Variants in PTPRM observed in about 807,000 individuals in gnomAD.
PTPRM encodes the protein protein tyrosine phosphatase receptor type M, also known as receptor-type tyrosine-protein phosphatase mu.
In PTPRM, 47 loss-of-function variants were observed where a neutral mutation model predicts 186.7. The observed-to-expected ratio is 0.25, with a 90% CI of 0.20 to 0.32. PTPRM has a LOEUF of 0.32. Among genes scored for constraint, PTPRM ranks in the 10% least tolerant of loss-of-function variants. PTPRM has a pLI of 1.00. For missense variants in PTPRM, 1,494 were observed against 1,865.0 expected (o/e 0.80, Z 3.66); for synonymous variants, 668 against 674.9 (o/e 0.99, Z 0.16).
chr18:8,252,628 T>C, intron 18 of PTPRM, 129 bp downstream of exon 18: 1 of 882,114 alleles, frequency 1.1e-6, no homozygotes, highest in Non-Finnish European at 1.9e-6. Context: ...TGTAGAACAT[T>C]CCATGTGTGA....
chr18:8,239,114 T>C (rs2094386412), intron 14 of PTPRM, among the ~76,000 whole-genome samples: 1 of 149,384 alleles, frequency 6.7e-6, no homozygotes, highest in Non-Finnish European at 1.5e-5. Flanking sequence ...CATTTAGCAT[T>C]AGGTATATCT....
At chr18:7,894,577 C>A (rs1221413485) in intron 3 of PTPRM, among the ~76,000 whole-genome samples, 3 of 151,842 alleles carry the variant, frequency 2.0e-5, no homozygotes, top group Non-Finnish European at 4.4e-5. Context: ...CAGAGCAAGA[C>A]TCCGTCTCAG....
At chr18:7,762,821 T>G (rs1293036934) in intron 1 of PTPRM, among the ~76,000 whole-genome samples, 5 of 152,202 alleles carry the variant, frequency 3.3e-5, no homozygotes, top group Non-Finnish European at 5.9e-5. Context: ...ATAGGCAAGA[T>G]AAAGAAAGAA....
chr18:8,118,165 A>G (rs746065193), intron 13 of PTPRM, among the ~76,000 whole-genome samples: 25 of 152,240 alleles, frequency 1.6e-4, no homozygotes, highest in Non-Finnish European at 2.1e-4. Flanking sequence ...TGATGTAACA[A>G]TCAGTTTAAA....
intron 1 of PTPRM, among the ~76,000 whole-genome samples, chr18:7,748,024 CCTT>C (rs749957007): frequency 1.2e-4 from 19 of 152,308 alleles, no homozygotes; most frequent in Non-Finnish European, 2.5e-4. Flanking sequence ...CAACATACTG[CCTT>C]CTTCTACAGG....
chr18:8,196,874 G>A (rs534398079), intron 14 of PTPRM, among the ~76,000 whole-genome samples: 209 of 152,304 alleles, frequency 1.4e-3, no homozygotes, highest in Middle Eastern at 0.01. Flanking sequence ...CCTAAAGTGC[G>A]TGGTGGGATG....
At chr18:8,368,808 A>G (rs1262947014) in intron 23 of PTPRM, among the ~76,000 whole-genome samples, 1 of 152,238 alleles carries the variant, frequency 6.6e-6, no homozygotes, top group Non-Finnish European at 1.5e-5. Flanking sequence ...TTTTATATGT[A>G]TACATTGCAT....
intron 7 of PTPRM, among the ~76,000 whole-genome samples, chr18:8,014,662 A>C (rs1475029256): frequency 6.6e-6 from 1 of 152,234 alleles, no homozygotes; most frequent in Non-Finnish European, 1.5e-5. Context: ...CTGTCTGAAA[A>C]TTTGTAGATG....
chr18:7,695,360 G>T (rs1365348457), intron 1 of PTPRM, among the ~76,000 whole-genome samples: 2 of 152,164 alleles, frequency 1.3e-5, no homozygotes, highest in African/African-American at 2.4e-5. Flanking sequence ...GTTTCTTCGA[G>T]TCACTAGAGA....
At chr18:7,773,789 AG>A (rs753111963) in intron 1 of PTPRM, among the ~76,000 whole-genome samples, 1 of 152,088 alleles carries the variant, frequency 6.6e-6, no homozygotes, top group Non-Finnish European at 1.5e-5. Context: ...CATGTTGGCC[AG>A]GCTGGCCTCG....
At chr18:7,635,599 A>G (rs1403892629) in intron 1 of PTPRM, among the ~76,000 whole-genome samples, 2 of 151,298 alleles carry the variant, frequency 1.3e-5, no homozygotes, top group African/African-American at 4.9e-5. Flanking sequence ...ATTGTAAAGG[A>G]TTAATAAATT....
intron 7 of PTPRM, among the ~76,000 whole-genome samples, chr18:8,002,859 C>G (rs186410978): frequency 2.9e-4 from 44 of 152,342 alleles, no homozygotes; most frequent in African/African-American, 1.0e-3. Flanking sequence ...AATGCTGATA[C>G]ATCTCTGCCC....
chr18:7,743,070 G>A (rs2040915088), intron 1 of PTPRM, among the ~76,000 whole-genome samples: 2 of 152,300 alleles, frequency 1.3e-5, no homozygotes, highest in Non-Finnish European at 2.9e-5. Flanking sequence ...ACCATTAAAG[G>A]AGTCTGGTCT....
chr18:7,600,742 G>A (rs2143739435), intron 1 of PTPRM, among the ~76,000 whole-genome samples: 1 of 152,302 alleles, frequency 6.6e-6, no homozygotes, highest in African/African-American at 2.4e-5. Context: ...GTGCCATTGT[G>A]TGCTCTTGCT....
chr18:8,227,947 G>A (rs2094235066), intron 14 of PTPRM, among the ~76,000 whole-genome samples: 1 of 152,080 alleles, frequency 6.6e-6, no homozygotes, highest in South Asian at 2.1e-4. Flanking sequence ...CAGCCCCTCT[G>A]GATTCATATT....
intron 22 of PTPRM, among the ~76,000 whole-genome samples, chr18:8,332,316 T>C (rs947577090): frequency 1.3e-5 from 2 of 152,210 alleles, no homozygotes; most frequent in African/African-American, 2.4e-5. Flanking sequence ...TCCCAGGCTA[T>C]TTTAGTGTTT....
intron 1 of PTPRM, among the ~76,000 whole-genome samples, chr18:7,674,851 G>C (rs1255371298): frequency 6.6e-6 from 1 of 152,202 alleles, no homozygotes; most frequent in Non-Finnish European, 1.5e-5. Context: ...TATTTCTGTA[G>C]TTACATAGAA....
At chr18:8,101,622 C>T (rs1008979710) in intron 11 of PTPRM, among the ~76,000 whole-genome samples, 11 of 152,332 alleles carry the variant, frequency 7.2e-5, no homozygotes, top group African/African-American at 2.4e-4. Context: ...CAGGCTTCCT[C>T]GCTAGATGCC....
intron 7 of PTPRM, among the ~76,000 whole-genome samples, chr18:7,991,618 A>G (rs1219681705): frequency 1.3e-5 from 2 of 152,172 alleles, no homozygotes; most frequent in Non-Finnish European, 2.9e-5. Context: ...GCAGATTTAT[A>G]TTTTCAGTAG....
Sources: gnomAD v4.1 joint callset for allele counts (sites outside exome capture counted in the v4.1 genomes callset) on GRCh38, gnomAD v4.1.1 for gene constraint, MANE v1.5 for transcripts, NCBI Gene and HGNC (gene_info 2026-07-23, HGNC 2026-07-21) for gene names.